Variants in HYCC1 observed in about 807,000 individuals in gnomAD.
The protein encoded by HYCC1 is hyccin PI4KA lipid kinase complex subunit 1.
At chr7:23,001,505 A>T in the HYCC1 span, among the ~76,000 whole-genome samples, 3 of 152,294 alleles carry the variant, frequency 2.0e-5, no homozygotes, top group South Asian at 4.1e-4. Flanking sequence ...TTCTAAATTG[A>T]AAAGTAGGAT....
the HYCC1 span, among the ~76,000 whole-genome samples, chr7:22,993,296 A>G: frequency 4.6e-5 from 7 of 152,170 alleles, no homozygotes; most frequent in African/African-American, 1.7e-4. Flanking sequence ...AGGCTTTTAG[A>G]AGAAAATGCA....
the HYCC1 span, chr7:22,941,423 C>T: frequency 5.3e-5 from 8 of 151,946 alleles, no homozygotes; most frequent in Admixed American, 1.3e-4. Context: ...TAGCCAAAGT[C>T]GTCGTTTATT....
At chr7:23,003,929 T>A in the HYCC1 span, among the ~76,000 whole-genome samples, 235 of 152,290 alleles carry the variant, frequency 1.5e-3, 3 homozygotes, top group Non-Finnish European at 1.9e-3. Context: ...TTCTCCCCAA[T>A]CAGAAACTAT....
the HYCC1 span, among the ~76,000 whole-genome samples, chr7:22,960,815 C>T: frequency 6.6e-6 from 1 of 152,080 alleles, no homozygotes. Context: ...TTTGGGAGGC[C>T]GAGGGGGCCT....
At chr7:23,004,096 T>A in the HYCC1 span, among the ~76,000 whole-genome samples, 1 of 152,218 alleles carries the variant, frequency 6.6e-6, no homozygotes, top group East Asian at 1.9e-4. Context: ...ATTTTTAAGA[T>A]AAAGTTTTCA....
the HYCC1 span, among the ~76,000 whole-genome samples, chr7:22,994,633 C>G: frequency 6.6e-6 from 1 of 152,152 alleles, no homozygotes; most frequent in South Asian, 2.1e-4. Flanking sequence ...GCTGAGCTCA[C>G]ATGGACACTC....
chr7:22,913,398 A>G, the HYCC1 span, among the ~76,000 whole-genome samples: 1 of 152,202 alleles, frequency 6.6e-6, no homozygotes, highest in African/African-American at 2.4e-5. Context: ...AATCACTGTC[A>G]TCCGACTTCA....
chr7:22,957,798 T>G, the HYCC1 span, among the ~76,000 whole-genome samples: 1 of 152,132 alleles, frequency 6.6e-6, no homozygotes, highest in South Asian at 2.1e-4. Flanking sequence ...CATACAGCCA[T>G]AAACTGAACT....
At chr7:22,933,221 TA>T in the HYCC1 span, among the ~76,000 whole-genome samples, 1 of 152,186 alleles carries the variant, frequency 6.6e-6, no homozygotes, top group Non-Finnish European at 1.5e-5. Context: ...ATTATTGTGA[TA>T]AATCTTTATC....
chr7:22,949,664 C>A, the HYCC1 span, among the ~76,000 whole-genome samples: 16 of 151,870 alleles, frequency 1.1e-4, no homozygotes, highest in South Asian at 3.3e-3. Context: ...GGCAGAAATT[C>A]AGGATTTTGC....
the HYCC1 span, among the ~76,000 whole-genome samples, chr7:22,979,277 AG>A: frequency 9.2e-4 from 140 of 152,348 alleles, no homozygotes; most frequent in African/African-American, 3.1e-3. Flanking sequence ...TGTTTATAAA[AG>A]GTATAACAAA....
At chr7:22,992,028 G>A in the HYCC1 span, among the ~76,000 whole-genome samples, 1 of 151,962 alleles carries the variant, frequency 6.6e-6, no homozygotes, top group Non-Finnish European at 1.5e-5. Flanking sequence ...TAGGGATAAT[G>A]ACAGTACCTA....
At chr7:22,899,499 T>C in the HYCC1 span, among the ~76,000 whole-genome samples, 1 of 152,192 alleles carries the variant, frequency 6.6e-6, no homozygotes, top group Non-Finnish European at 1.5e-5. Flanking sequence ...CACAAGTTGC[T>C]AATGAGGCAG....
At chr7:22,962,741 C>T in the HYCC1 span, among the ~76,000 whole-genome samples, 1 of 151,194 alleles carries the variant, frequency 6.6e-6, no homozygotes, top group Admixed American at 6.6e-5. Flanking sequence ...AACACTACCT[C>T]CCCCCATTTC....
the HYCC1 span, among the ~76,000 whole-genome samples, chr7:22,985,117 G>C: frequency 9.9e-3 from 1,513 of 152,210 alleles, 26 homozygotes; most frequent in African/African-American, 0.033. Context: ...CCTTCAGTCA[G>C]TCATTGCCAA....
At chr7:22,984,183 G>C in the HYCC1 span, 1 of 622,706 alleles carries the variant, frequency 1.6e-6, no homozygotes, top group Non-Finnish European at 2.9e-6. Context: ...CAGGTATGAA[G>C]TTTCTTTTTG....
the HYCC1 span, among the ~76,000 whole-genome samples, chr7:22,922,899 A>C: frequency 1.3e-5 from 2 of 152,200 alleles, no homozygotes; most frequent in African/African-American, 2.4e-5. Flanking sequence ...TAACAACAGA[A>C]CCCTACAACA....
At chr7:22,966,228 T>C in the HYCC1 span, among the ~76,000 whole-genome samples, 4 of 152,188 alleles carry the variant, frequency 2.6e-5, no homozygotes, top group Non-Finnish European at 5.9e-5. Flanking sequence ...TCTATTTTCT[T>C]CTTTATATTT....
chr7:22,976,009 C>T, the HYCC1 span, among the ~76,000 whole-genome samples: 2 of 152,288 alleles, frequency 1.3e-5, no homozygotes, highest in African/African-American at 2.4e-5. Flanking sequence ...CATGAGCTAT[C>T]GCATCCGGCC....
Sources: allele counts gnomAD v4.1 joint callset (sites outside exome capture counted in the v4.1 genomes callset), GRCh38; gene constraint gnomAD v4.1.1; transcripts MANE v1.5; gene names NCBI Gene and HGNC (gene_info 2026-07-23, HGNC 2026-07-21).